ROS1: variants seen among roughly 807,000 people sequenced by gnomAD.
ROS1 encodes ROS proto-oncogene 1, receptor tyrosine kinase, also known as proto-oncogene tyrosine-protein kinase ROS.
In ROS1, 263 loss-of-function variants were observed where a neutral mutation model predicts 273.5. That is an observed-to-expected ratio of 0.96 (90% CI 0.87 to 1.06). ROS1 has a LOEUF of 1.06. Among genes scored for constraint, ROS1 ranks in the 50% least tolerant of loss-of-function variants. The pLI, the probability that ROS1 is intolerant of heterozygous loss-of-function variation, is 0.00. For synonymous variants in ROS1, 1,008 were observed against 954.1 expected, an observed-to-expected ratio of 1.06 and a Z score of -1.04; for missense variants, 2,833 against 2,751.1, an observed-to-expected ratio of 1.03 and a Z score of -0.67.
intron 18 of ROS1, among the ~76,000 whole-genome samples, chr6:117,372,076 A>G (rs965075675): frequency 1.3e-5 from 2 of 152,180 alleles, no homozygotes; most frequent in African/African-American, 4.8e-5. Flanking sequence ...TCAGCAACAC[A>G]GGCATAGAAG....
intron 27 of ROS1, among the ~76,000 whole-genome samples, chr6:117,351,460 A>G (rs999605977): frequency 2.4e-4 from 36 of 152,106 alleles, no homozygotes; most frequent in African/African-American, 8.7e-4. Flanking sequence ...TAAGAAAAAA[A>G]CCAGTTAAAG....
Position 117,393,344 on chromosome 6 carries a change from G to A in ROS1, c.1192-23C>T, listed in dbSNP as rs375723371. ...TACCTAAAAAAATAAAAAATATACC[G>A]GTAGGATTAGCATCTGTCTATACAG... On this transcript the variant is annotated intron_variant, in intron 11 of 43. Transcript: ENST00000368507. 4.1e-5 allele frequency: 57 copies of A among 1,383,250 alleles called. No individual in the cohort carries two copies. In the African/African-American group the frequency reaches 4.3e-4, roughly 10 times the overall value. 85.7% of individuals were successfully genotyped at this position (1,383,250 alleles called of 1,614,324 possible). A position where few individuals can be genotyped will look rare whatever the true frequency, so the allele number is the denominator to read the frequency against.
chr6:117,295,460 C>T (rs1340037890), intron 43 of ROS1, among the ~76,000 whole-genome samples: 1 of 152,128 alleles, frequency 6.6e-6, no homozygotes, highest in Non-Finnish European at 1.5e-5. Flanking sequence ...CCCACAAGCA[C>T]AGGCAGTCAA....
Position 117,356,877 on chromosome 6 carries a change from T to C in ROS1, c.3878A>G (p.Gln1293Arg). The change falls in exon 26 of 44, where the codon CAG becomes CGG. Residue 1293 changes from glutamine to arginine, a missense_variant. Gln to Arg is a conservative substitution (Grantham distance 43). Coordinates refer to ENST00000368507, the MANE Select transcript of ROS1 (RefSeq NM_001378902.1). ...ACTGATAATACTGTAGTAGAACATC[T>C]GGTAGCCAAAATTGGAAACTTCTGT... ...YWTEVSNFGY[Q>R]MFYYSIISHT... 1.2e-6 allele frequency: 2 copies of C among 1,614,132 alleles called. No individual in the cohort carries two copies. The highest frequency in any genetic ancestry group is 1.7e-6 in the Non-Finnish European group (2 of 1,180,000).
chr6:117,376,669 TA>T (rs1420821330), intron 18 of ROS1, among the ~76,000 whole-genome samples: 1 of 151,904 alleles, frequency 6.6e-6, no homozygotes, highest in Non-Finnish European at 1.5e-5. Flanking sequence ...TATAAAGCAT[TA>T]AAAAAATTAG....
At chr6:117,320,931 C>T (rs1776246171) in intron 36 of ROS1, among the ~76,000 whole-genome samples, 1 of 152,144 alleles carries the variant, frequency 6.6e-6, no homozygotes, top group Non-Finnish European at 1.5e-5. Context: ...CAAAACTCCT[C>T]TCCTCTCAAA....
chr6:117,298,911 T>C (rs953391678), intron 43 of ROS1, among the ~76,000 whole-genome samples: 7 of 152,176 alleles, frequency 4.6e-5, no homozygotes, highest in Non-Finnish European at 1.0e-4. Context: ...ATTAAGTAAA[T>C]GCTTAGAAAA....
chr6:117,366,843 T>C (rs1373593000), intron 18 of ROS1, among the ~76,000 whole-genome samples: 1 of 152,146 alleles, frequency 6.6e-6, no homozygotes, highest in Non-Finnish European at 1.5e-5. Context: ...GATATTGCAA[T>C]ATCAAGGGTG....
At chr6:117,296,848 ATACTCCATT>A (rs1774283527) in intron 43 of ROS1, among the ~76,000 whole-genome samples, 2 of 152,174 alleles carry the variant, frequency 1.3e-5, no homozygotes, top group Admixed American at 6.5e-5. Context: ...TGAGGGGTGG[ATACTCCATT>A]CTCCATGATG....
chr6:117,418,312 C>G, intron 2 of ROS1, 150 bp downstream of exon 2: 1 of 626,542 alleles, frequency 1.6e-6, no homozygotes. Flanking sequence ...TATATAAATT[C>G]AGACTTCTCA....
chr6:117,383,276 T>C, intron 17 of ROS1, 41 bp downstream of exon 17: 1 of 1,370,834 alleles, frequency 7.3e-7, no homozygotes, highest in Non-Finnish European at 1.0e-6. Flanking sequence ...AATATAGAGC[T>C]ATTCAGTATT....
intron 26 of ROS1, among the ~76,000 whole-genome samples, chr6:117,355,098 T>A (rs927465030): frequency 2.6e-5 from 4 of 152,196 alleles, no homozygotes; most frequent in African/African-American, 9.6e-5. Context: ...TAGGGGGTTC[T>A]CCTAAACTGA....
At chr6:117,378,133 A>G (rs1479126538) in intron 18 of ROS1, among the ~76,000 whole-genome samples, 1 of 152,166 alleles carries the variant, frequency 6.6e-6, no homozygotes, top group African/African-American at 2.4e-5. Context: ...AAGAATATAA[A>G]CATCTATCTA....
chr6:117,420,164 C>A (rs1289382207), intron 1 of ROS1, among the ~76,000 whole-genome samples: 1 of 151,874 alleles, frequency 6.6e-6, no homozygotes, highest in Non-Finnish European at 1.5e-5. Flanking sequence ...TTGAAGGGGG[C>A]AGAGTGATTG....
At chr6:117,293,345 G>A (rs1317820115) in intron 43 of ROS1, among the ~76,000 whole-genome samples, 1 of 152,134 alleles carries the variant, frequency 6.6e-6, no homozygotes, top group Non-Finnish European at 1.5e-5. Context: ...ACCTACTACA[G>A]AATCTACAGC....
intron 36 of ROS1, among the ~76,000 whole-genome samples, chr6:117,320,604 A>G (rs187640006): frequency 2.0e-5 from 3 of 152,154 alleles, no homozygotes; most frequent in Non-Finnish European, 4.4e-5. Context: ...TGAGTAGCAG[A>G]TATGCTGAGT....
In ROS1 at chr6:117,329,433, AT is replaced by A; in HGVS notation, c.5243del (p.Asn1748IlefsTer9). The A allele has an allele frequency of 6.4e-7, 1 of 1,562,464 alleles. No individual in the cohort carries two copies. The highest frequency in any genetic ancestry group is 1.4e-5 in the African/African-American group (1 of 73,830). On this transcript the variant is annotated frameshift_variant, in exon 33 of 44. Coordinates refer to ENST00000368507, the MANE Select transcript of ROS1 (RefSeq NM_001378902.1). LOFTEE classifies it high-confidence loss of function. Reference protein sequence around the residue: ...ESFKTKAGVPNKPGIPKLLEG... With the variant: ...ESFKTKAGVPXKPGIPKLLEG... The stretch of plus-strand genomic sequence containing the variant: ...CTAGTAATTTGGGAATGCCTGGTTT[AT>A]TTGGGACTCCAGCTTTAGGGAAAAA...
chr6:117,390,689 T>C (rs1229225534), intron 12 of ROS1, among the ~76,000 whole-genome samples: 1 of 152,134 alleles, frequency 6.6e-6, no homozygotes, highest in Non-Finnish European at 1.5e-5. Flanking sequence ...TAATCTACAA[T>C]TGATGCAGGC....
chr6:117,338,501 T>C (rs1407077966), intron 31 of ROS1, among the ~76,000 whole-genome samples: 1 of 149,962 alleles, frequency 6.7e-6, no homozygotes, highest in Non-Finnish European at 1.5e-5. Context: ...CCATAATATT[T>C]ACTGTGAACC....
Sources: gnomAD v4.1 joint callset for allele counts (sites outside exome capture counted in the v4.1 genomes callset) on GRCh38, gnomAD v4.1.1 for gene constraint, MANE v1.5 for transcripts, NCBI Gene and HGNC (gene_info 2026-07-23, HGNC 2026-07-21) for gene names.